DOCK8: variants seen among roughly 807,000 people sequenced by gnomAD.
DOCK8 encodes dedicator of cytokinesis protein 8.
DOCK8 carries 141 observed loss-of-function variants against 245.6 expected under a neutral mutation model. The ratio of observed to expected loss-of-function variants is 0.57; its 90% confidence interval spans 0.50 to 0.66. The LOEUF is 0.66. DOCK8 is among the 30% of genes least tolerant of loss of function. The probability of loss-of-function intolerance (pLI) is 0.00; values close to 1 mark genes in which losing one functional copy is unlikely to be tolerated. For missense variants in DOCK8, 2,965 were observed against 2,603.4 expected (o/e 1.14, Z -3.02); for synonymous variants, 1,168 against 970.2 (o/e 1.20, Z -3.79).
intron 36 of DOCK8, among the ~76,000 whole-genome samples, chr9:430,613 C>G (rs1434905590): frequency 1.3e-5 from 2 of 149,468 alleles, no homozygotes. Flanking sequence ...ACCCAGGAGG[C>G]AGAGGTTGTA....
rs1488294884 is a variant in DOCK8 at position 230,610 on chromosome 9, G to A, written c.53+15581G>A. Among the ~76,000 whole-genome samples, 8 of 152,038 alleles carry A rather than the reference G, an allele frequency of 5.3e-5. No individual in the cohort carries two copies. In the South Asian group the frequency reaches 8.3e-4, roughly 16 times the overall value. On this transcript the variant is annotated intron_variant, in intron 1 of 47. Transcript: ENST00000432829. ...TCGCCATTCTAACTGGTGTGAGATG[G>A]TATCTCATTGTGGTTTTGATTTGCA...
At chr9:232,089 A>C (rs537281157) in intron 1 of DOCK8, among the ~76,000 whole-genome samples, 57 of 152,288 alleles carry the variant, frequency 3.7e-4, no homozygotes, top group African/African-American at 1.4e-3. Flanking sequence ...TAATTTATTG[A>C]GAGTTTTTAG....
chr9:340,283 T>C lies in DOCK8; in HGVS notation c.1641T>C (p.Phe547=). The C allele has an allele frequency of 6.2e-7, 1 of 1,614,164 alleles. No homozygotes were observed. Among genetic ancestry groups the C allele is most frequent in the Non-Finnish European group, 8.5e-7 (1 of 1,180,022 alleles). The change falls in exon 14 of 48, where the codon TTT becomes TTC. Residue 547 remains phenylalanine (F), a synonymous_variant. Transcript: ENST00000432829. The part of the protein sequence containing the change: ...RTRPHKEILE[F]PTREVYVPHT... ...GCCCGCACAAAGAGATTTTGGAATT[T>C]CCAACACGAGAAGTATATGTCCCTC...
At chr9:390,663 A>C in intron 24 of DOCK8, 97 bp downstream of exon 24, 1 of 1,174,998 alleles carries the variant, frequency 8.5e-7, no homozygotes, top group East Asian at 2.3e-5. Context: ...GCCCCTGCTG[A>C]AAACCTGGGG....
chr9:344,688 G>A (rs55876631), intron 14 of DOCK8, among the ~76,000 whole-genome samples: 1,774 of 152,138 alleles, frequency 0.012, 24 homozygotes, highest in African/African-American at 0.041. Context: ...TTCAAGCAAC[G>A]ATCTCTAAAC....
chr9:414,912 A>G lies in DOCK8; in HGVS notation c.3661A>G (p.Ile1221Val). ...IAALYLPLVG[I>V]ILDALPQLCD... ...CGCCCTTTACCTACCTTTAGTTGGC[A>G]TCATTTTGGATGCTTTGCCACAGCT... The change falls in exon 29 of 48, where the codon ATC becomes GTC. Residue 1221 changes from isoleucine (I) to valine (V), a missense_variant. By Grantham distance (29) the Ile-to-Val change is conservative. This residue lies in a region of DOCK8 where 2,825 missense variants were observed against 2,453.5 expected (regional missense o/e 1.15). Transcript: ENST00000432829. 1.2e-6 allele frequency: 2 copies of G among 1,614,160 alleles called. No homozygotes were observed.
At chr9:344,004 A>T (rs1222869302) in intron 14 of DOCK8, among the ~76,000 whole-genome samples, 1 of 152,236 alleles carries the variant, frequency 6.6e-6, no homozygotes, top group East Asian at 1.9e-4. Context: ...TAGGAGGGCA[A>T]AGGAGGACAA....
At chr9:448,281 T>C (rs1425157377) in intron 44 of DOCK8, among the ~76,000 whole-genome samples, 1 of 152,130 alleles carries the variant, frequency 6.6e-6, no homozygotes, top group African/African-American at 2.4e-5. Flanking sequence ...GAGAGATATA[T>C]ATTTTGTAAG....
chr9:418,256 G>T (rs1416990444), intron 30 of DOCK8, 49 bp downstream of exon 30: 7 of 1,610,974 alleles, frequency 4.3e-6, no homozygotes, highest in Non-Finnish European at 4.2e-6. Context: ...CATGTCTTCT[G>T]TCTTCTGTTT....
chr9:267,483 G>T (rs2048063229), intron 1 of DOCK8, among the ~76,000 whole-genome samples: 1 of 152,230 alleles, frequency 6.6e-6, no homozygotes. Flanking sequence ...TGGGATTACA[G>T]GCATGAGCCA....
chr9:305,656 T>C (rs2049792941), intron 5 of DOCK8, among the ~76,000 whole-genome samples: 2 of 152,220 alleles, frequency 1.3e-5, no homozygotes, highest in Non-Finnish European at 2.9e-5. Context: ...TGAAATGAGC[T>C]TTTAACACTA....
At chr9:433,809 T>C in intron 37 of DOCK8, 66 bp from the exon 38 acceptor site, 2 of 1,341,970 alleles carry the variant, frequency 1.5e-6, no homozygotes, top group Non-Finnish European at 2.1e-6. Context: ...TGCATTTCAA[T>C]GTAATCCTAA....
chr9:315,433 T>C (rs1400980374), intron 6 of DOCK8, among the ~76,000 whole-genome samples: 3 of 152,204 alleles, frequency 2.0e-5, no homozygotes, highest in East Asian at 1.9e-4. Flanking sequence ...TGGACCTTGT[T>C]TGGATCTTGA....
At chr9:295,261 T>G (rs1462163720) in intron 4 of DOCK8, among the ~76,000 whole-genome samples, 1 of 151,742 alleles carries the variant, frequency 6.6e-6, no homozygotes, top group Non-Finnish European at 1.5e-5. Context: ...GGAAAACAGG[T>G]CCATGGTTCC....
chr9:394,342 A>T (rs2054343157), intron 24 of DOCK8, among the ~76,000 whole-genome samples: 1 of 152,228 alleles, frequency 6.6e-6, no homozygotes, highest in African/African-American at 2.4e-5. Flanking sequence ...TTGATCTCAG[A>T]CTCAGACAAG....
At chr9:221,776 C>T (rs1587608202) in intron 1 of DOCK8, among the ~76,000 whole-genome samples, 4 of 150,978 alleles carry the variant, frequency 2.6e-5, no homozygotes, top group South Asian at 2.1e-4. Flanking sequence ...GAGCCGAGAT[C>T]GCACCACTGC....
At chr9:350,322 G>C (rs907284087) in intron 14 of DOCK8, among the ~76,000 whole-genome samples, 1 of 152,152 alleles carries the variant, frequency 6.6e-6, no homozygotes, top group African/African-American at 2.4e-5. Flanking sequence ...CTGTTGCCCA[G>C]GCTGGTCTTG....
At chr9:327,480 G>C (rs2050816088) in intron 8 of DOCK8, among the ~76,000 whole-genome samples, 2 of 147,460 alleles carry the variant, frequency 1.4e-5, no homozygotes, top group South Asian at 4.2e-4. Flanking sequence ...TGCACCCTCT[G>C]CCTCCCGGGT....
rs149918318 is a variant in DOCK8 at position 304,628 on chromosome 9, G to A, written c.452G>A (p.Arg151Gln). The A allele has an allele frequency of 1.8e-3, 2,846 of 1,614,138 alleles. 9 individuals are homozygous for A. The highest frequency in any genetic ancestry group is 3.1e-3 in the Middle Eastern group (19 of 6,062). Residue 151 changes from arginine to glutamine, a missense_variant, in exon 5 of 48, where the codon CGA becomes CAA. Around this residue, in one of 3 missense-constraint regions of DOCK8, gnomAD observed 2,825 missense variants for 2,453.5 expected, o/e 1.15. Transcript: ENST00000432829. ...TGTGGCTTTAAAAAGACTGGATCTC[G>A]AAAAGATTTTCACAAGACGCTTCCG... The part of the protein sequence containing the change: ...EICGFKKTGS[R>Q]KDFHKTLPKQ...
Sources: allele counts gnomAD v4.1 joint callset (sites outside exome capture counted in the v4.1 genomes callset), GRCh38; gene constraint gnomAD v4.1.1; regional missense constraint gnomAD v4.1.1; transcripts MANE v1.5; gene names NCBI Gene and HGNC (gene_info 2026-07-23, HGNC 2026-07-21).